RNF111: variants seen among roughly 807,000 people sequenced by gnomAD.
RNF111 encodes the protein ring finger protein 111, also known as E3 ubiquitin-protein ligase Arkadia.
RNF111 carries 17 observed loss-of-function variants against 95.1 expected under a neutral mutation model. The ratio of observed to expected loss-of-function variants is 0.18; its 90% CI spans 0.12 to 0.27. The LOEUF is 0.27. RNF111 is among the 10% of genes least tolerant of loss of function. RNF111 has a pLI of 1.00. For missense variants in RNF111, 1,189 were observed against 1,210.4 expected (o/e 0.98, Z 0.26); for synonymous variants, 440 against 414.8 (o/e 1.06, Z -0.74).
intron 8 of RNF111, 193 bp from the exon 9 acceptor site, chr15:59,083,936 T>C (rs1259599314): frequency 8.9e-6 from 3 of 335,546 alleles, no homozygotes; most frequent in Non-Finnish European, 9.8e-6. Flanking sequence ...TTAGAATTTA[T>C]GGAGAAGGTG....
rs533581746 is a variant in RNF111, at chr15:59,096,152, GT to G, written c.*1254del. 1 of 398,178 alleles carries G rather than the reference GT, an allele frequency of 2.5e-6. No individual in the cohort carries two copies. The highest frequency in any genetic ancestry group is 4.4e-6 in the Non-Finnish European group (1 of 225,554). The allele number at this position is 398,178 out of a possible 1,614,324, so 24.7% of individuals were successfully genotyped here. A position where few individuals can be genotyped will look rare whatever the true frequency, so the allele number is the denominator to read the frequency against. Reference sequence around the variant, plus strand: ...TTTACTGCATAATATAGAATATAAAGTTAAGTTAACATACTAACATTTCTCC... The same window carrying G: ...TTTACTGCATAATATAGAATATAAAGTAAGTTAACATACTAACATTTCTCC... On this transcript the variant is annotated 3_prime_UTR_variant, in exon 14 of 14. Transcript: ENST00000348370.
At chr15:59,074,428 C>T (rs1418229791) in intron 6 of RNF111, among the ~76,000 whole-genome samples, 1 of 152,194 alleles carries the variant, frequency 6.6e-6, no homozygotes, top group Non-Finnish European at 1.5e-5. Context: ...TTCTAGATAA[C>T]TTACTGTAGC....
At chr15:58,990,576 G>A (rs1332777780) in intron 1 of RNF111, among the ~76,000 whole-genome samples, 3 of 152,182 alleles carry the variant, frequency 2.0e-5, no homozygotes, top group Non-Finnish European at 4.4e-5. Flanking sequence ...CTTGAACCTC[G>A]GAGGCGGAGG....
chr15:59,064,627 T>A (rs2042580397), intron 5 of RNF111, among the ~76,000 whole-genome samples: 1 of 150,912 alleles, frequency 6.6e-6, no homozygotes, highest in African/African-American at 2.4e-5. Context: ...CAGTTAGAGG[T>A]TAGTGTCAGT....
intron 1 of RNF111, among the ~76,000 whole-genome samples, chr15:59,019,561 T>TTGTCAGGCTGTTCC (rs2040232618): frequency 1.3e-5 from 2 of 152,172 alleles, no homozygotes; most frequent in African/African-American, 4.8e-5. Context: ...TACACCATTC[T>TTGTCAGGCTGTTCC]TGTCAGGCTT....
chr15:59,020,013 C>T (rs991763235), intron 1 of RNF111, among the ~76,000 whole-genome samples: 1 of 151,124 alleles, frequency 6.6e-6, no homozygotes. Flanking sequence ...GCTACTGCAC[C>T]GAAATGGGGT....
chr15:59,054,006 G>A (rs1430392727), intron 3 of RNF111, among the ~76,000 whole-genome samples: 2 of 152,104 alleles, frequency 1.3e-5, no homozygotes, highest in African/African-American at 4.8e-5. Context: ...CGCCATCTTG[G>A]CTCACCGCAG....
chr15:59,025,164 C>T (rs759639280), intron 1 of RNF111, among the ~76,000 whole-genome samples: 2 of 152,188 alleles, frequency 1.3e-5, no homozygotes, highest in African/African-American at 2.4e-5. Context: ...GGATTACAGG[C>T]GTGAGCCACT....
At chr15:59,007,447 G>A (rs1361530770) in intron 1 of RNF111, among the ~76,000 whole-genome samples, 3 of 152,120 alleles carry the variant, frequency 2.0e-5, no homozygotes, top group African/African-American at 7.2e-5. Flanking sequence ...CGTTGTAGCT[G>A]TATAACATAA....
At chr15:59,070,131 T>A (rs1197918553) in intron 6 of RNF111, among the ~76,000 whole-genome samples, 8 of 145,662 alleles carry the variant, frequency 5.5e-5, no homozygotes, top group Non-Finnish European at 1.2e-4. Flanking sequence ...TGCCCCAGAC[T>A]TCTAATTGGC....
At chr15:59,012,678 C>G (rs926256627) in intron 1 of RNF111, among the ~76,000 whole-genome samples, 2 of 151,914 alleles carry the variant, frequency 1.3e-5, no homozygotes, top group Admixed American at 6.6e-5. Context: ...GTCTTGCTAT[C>G]CCAGTGGAGC....
At chr15:59,061,499 A>C (rs2042436923) in intron 5 of RNF111, among the ~76,000 whole-genome samples, 1 of 152,214 alleles carries the variant, frequency 6.6e-6, no homozygotes, top group East Asian at 1.9e-4. Flanking sequence ...CCTTTTCCTC[A>C]AGGTTTTCAT....
At chr15:58,989,130 C>T (rs961348472) in intron 1 of RNF111, among the ~76,000 whole-genome samples, 5 of 152,096 alleles carry the variant, frequency 3.3e-5, no homozygotes, top group African/African-American at 1.2e-4. Flanking sequence ...TAACGCTGGA[C>T]TTAGCTTTAT....
chr15:58,991,298 A>AT (rs1308826330), intron 1 of RNF111, among the ~76,000 whole-genome samples: 19 of 152,258 alleles, frequency 1.2e-4, no homozygotes, highest in African/African-American at 4.3e-4. Context: ...TTGAAAAAAA[A>AT]CAAAACAACA....
At chr15:59,078,070 C>T (rs78949317) in intron 7 of RNF111, among the ~76,000 whole-genome samples, 4 of 152,270 alleles carry the variant, frequency 2.6e-5, no homozygotes, top group Non-Finnish European at 5.9e-5. Flanking sequence ...TGGATAGATT[C>T]GAGTTGACCT....
intron 1 of RNF111, among the ~76,000 whole-genome samples, chr15:59,026,015 C>A (rs545462454): frequency 3.3e-5 from 5 of 151,700 alleles, no homozygotes; most frequent in African/African-American, 1.2e-4. Flanking sequence ...CAGGCGTGAG[C>A]CACTGTGCCC....
intron 6 of RNF111, among the ~76,000 whole-genome samples, chr15:59,072,425 C>T (rs1442312703): frequency 7.0e-6 from 1 of 143,746 alleles, no homozygotes; most frequent in African/African-American, 2.6e-5. Context: ...ATGTGATATT[C>T]TAAATCTTTC....
intron 1 of RNF111, among the ~76,000 whole-genome samples, chr15:59,005,576 C>T (rs1184596535): frequency 6.6e-6 from 1 of 151,922 alleles, no homozygotes; most frequent in Admixed American, 6.6e-5. Context: ...TTTAACAACT[C>T]AGTGTTTTGG....
chr15:59,070,510 A>T (rs1373396049), intron 6 of RNF111, among the ~76,000 whole-genome samples: 1 of 152,020 alleles, frequency 6.6e-6, no homozygotes, highest in African/African-American at 2.4e-5. Context: ...TGAACCATAA[A>T]CATAAATTCA....
Sources: gnomAD v4.1 joint callset for allele counts (sites outside exome capture counted in the v4.1 genomes callset) on GRCh38, gnomAD v4.1.1 for gene constraint, MANE v1.5 for transcripts, NCBI Gene and HGNC (gene_info 2026-07-23, HGNC 2026-07-21) for gene names.